Variants in ZNF317 observed in about 807,000 individuals in gnomAD.
ZNF317 encodes the protein zinc finger protein 317.
Under a neutral mutation model 23.4 loss-of-function variants are expected in ZNF317, and 17 were observed. The ratio of observed to expected loss-of-function variants is 0.73; its 90% CI spans 0.50 to 1.09. ZNF317 has a LOEUF of 1.09. ZNF317 is among the 50% of genes least tolerant of loss of function. The probability of loss-of-function intolerance (pLI) is 0.00; values close to 1 mark genes in which losing one functional copy is unlikely to be tolerated. For synonymous variants in ZNF317, 317 were observed against 314.9 expected, an observed-to-expected ratio of 1.01 and a Z score of -0.07; for missense variants, 679 against 796.7, an observed-to-expected ratio of 0.85 and a Z score of 1.78.
intron 3 of ZNF317, 99 bp downstream of exon 3, chr19:9,156,847 T>A: frequency 1.4e-6 from 2 of 1,441,590 alleles, no homozygotes; most frequent in South Asian, 1.3e-5. Context: ...TCTCAGCCAG[T>A]GGATGCCAGA....
Position 9,158,480 on chromosome 19 carries a change from A to G in ZNF317, c.386-346A>G, listed in dbSNP as rs150587274. On this transcript the variant is annotated intron_variant, in intron 5 of 6. Coordinates refer to ENST00000247956, the MANE Select transcript of ZNF317 (RefSeq NM_020933.5). ...CTGCCTCCCAAGTAGCTGGGACTAC[A>G]GGCATGATGCCGCCATGCCTACCTA... Among the ~76,000 whole-genome samples the G allele has an allele frequency of 5.4e-3, 774 of 143,780 alleles. 2 individuals are homozygous for G. The highest frequency in any genetic ancestry group is 0.019 in the African/African-American group (730 of 38,306). 94.3% of individuals were successfully genotyped at this position (143,780 alleles called of 152,430 possible). A position where few individuals can be genotyped will look rare whatever the true frequency, so the allele number is the denominator to read the frequency against.
chr19:9,157,681 CTT>C (rs566513253), intron 4 of ZNF317: 62,709 of 344,314 alleles, frequency 0.18, 3,891 homozygotes, highest in African/African-American at 0.21. Flanking sequence ...TTTCCTATTT[CTT>C]TTTTTTTTTT....
At chr19:9,142,029 C>T (rs1022360388) in intron 1 of ZNF317, among the ~76,000 whole-genome samples, 1 of 152,190 alleles carries the variant, frequency 6.6e-6, no homozygotes, top group African/African-American at 2.4e-5. Context: ...TGGTCTCGAT[C>T]TCCTGACCTC....
At position 9,140,491 on chromosome 19, in the gene ZNF317, C is replaced by T. The variant is rs1012278514; in HGVS notation, c.-194C>T. 3.5e-5 allele frequency: 16 copies of T among 456,290 alleles called. No individual in the cohort carries two copies. The highest frequency in any genetic ancestry group is 6.6e-5 in the Non-Finnish European group (15 of 226,870). 28.3% of individuals were successfully genotyped at this position (456,290 alleles called of 1,614,324 possible). ...GCGAATTCTTTCGGCCTGTTGGGGACCCCTCGTGTCCCCACGCCAGACTGG... is the reference window on the plus strand; with the variant it reads ...GCGAATTCTTTCGGCCTGTTGGGGATCCCTCGTGTCCCCACGCCAGACTGG... On this transcript the variant is annotated 5_prime_UTR_variant, in exon 1 of 7. Transcript: ENST00000247956.
At chr19:9,149,128 A>G (rs1409373056) in intron 1 of ZNF317, among the ~76,000 whole-genome samples, 1 of 152,196 alleles carries the variant, frequency 6.6e-6, no homozygotes, top group Non-Finnish European at 1.5e-5. Context: ...AGTAAAAAAT[A>G]GAGCCTAATC....
In ZNF317 at chr19:9,157,271, T is replaced by C. The variant is rs868296638; in HGVS notation, c.166T>C (p.Ser56Pro). The C allele has an allele frequency of 1.9e-6, 3 of 1,613,760 alleles. No individual in the cohort carries two copies. In the Middle Eastern group the frequency reaches 5.0e-4, roughly 268 times the overall value. ...PHTPSVGSQE[S>P]VTFQDVAVDF... ...CCAAGTTTGTGTGGCGTTCCAGGAA[T>C]CGGTGACTTTCCAAGATGTCGCTGT... Residue 56 changes from serine to proline, a missense_variant, in exon 4 of 7, where the codon TCG becomes CCG. Transcript: ENST00000247956.
At chr19:9,146,999 G>T (rs28488420) in intron 1 of ZNF317, among the ~76,000 whole-genome samples, 1 of 152,144 alleles carries the variant, frequency 6.6e-6, no homozygotes, top group Non-Finnish European at 1.5e-5. Flanking sequence ...AAACTGAGGA[G>T]CAGGGCTGGA....
At position 9,157,377 on chromosome 19, in the gene ZNF317, G is replaced by A. The variant is rs1411532136; in HGVS notation, c.272G>A (p.Ser91Asn). 1.2e-6 allele frequency: 2 copies of A among 1,613,896 alleles called. No individual in the cohort carries two copies. The highest frequency in any genetic ancestry group is 1.7e-6 in the Non-Finnish European group (2 of 1,179,984). Residue 91 changes from serine to asparagine, a missense_variant, in exon 4 of 7, where the codon AGC becomes AAC. Coordinates refer to ENST00000247956, the MANE Select transcript of ZNF317 (RefSeq NM_020933.5). ...AAAGATGTAATGCTGGAGAACTACAGCAACCTCACTTCACTGGGTAAGGCC... is the reference window on the plus strand; with the variant it reads ...AAAGATGTAATGCTGGAGAACTACAACAACCTCACTTCACTGGGTAAGGCC... ...LYKDVMLENY[S>N]NLTSLGYQVG...
intron 4 of ZNF317, 142 bp downstream of exon 4, chr19:9,157,536 T>C: frequency 9.3e-7 from 1 of 1,071,594 alleles, no homozygotes; most frequent in Non-Finnish European, 1.3e-6. Flanking sequence ...TAATGGGGCC[T>C]CTCCTGGGTA....
At chr19:9,157,756 T>C (rs1268341946) in intron 4 of ZNF317, 2 of 1,273,136 alleles carry the variant, frequency 1.6e-6, no homozygotes, top group African/African-American at 1.5e-5. Context: ...CTTGAACTCC[T>C]GGCTACAGGC....
At chr19:9,144,214 G>T (rs1600221777) in intron 1 of ZNF317, among the ~76,000 whole-genome samples, 1 of 152,006 alleles carries the variant, frequency 6.6e-6, no homozygotes, top group African/African-American at 2.4e-5. Flanking sequence ...TATTGGTCAG[G>T]CTGGTCTCGA....
chr19:9,144,124 T>A (rs1402722651), intron 1 of ZNF317, among the ~76,000 whole-genome samples: 2 of 152,038 alleles, frequency 1.3e-5, no homozygotes, highest in Non-Finnish European at 2.9e-5. Flanking sequence ...TGTCTCAGCC[T>A]CCCAAGTAGC....
chr19:9,158,934 G>A, intron 6 of ZNF317, 26 bp downstream of exon 6: 2 of 1,544,458 alleles, frequency 1.3e-6, no homozygotes, highest in Non-Finnish European at 1.8e-6. Context: ...GATAATTCTG[G>A]ATCTTCCTTC....
chr19:9,141,500 T>C lies in ZNF317; in HGVS notation c.-93+908T>C, dbSNP rs553143969. Among the ~76,000 whole-genome samples, 12 of 152,300 alleles carry C rather than the reference T, an allele frequency of 7.9e-5. No homozygotes were observed. In the East Asian group the frequency reaches 2.3e-3, roughly 29 times the overall value. On this transcript the variant is annotated intron_variant, in intron 1 of 6. Coordinates refer to ENST00000247956, the MANE Select transcript of ZNF317 (RefSeq NM_020933.5). The stretch of plus-strand genomic sequence containing the variant: ...ATTATTTGTGAATGAACTCAGGCGC[T>C]TCAGTATTTTTGGAAACAATCTTTT...
intron 1 of ZNF317, among the ~76,000 whole-genome samples, chr19:9,151,907 CTTT>C (rs57588267): frequency 2.3e-5 from 3 of 128,804 alleles, no homozygotes; most frequent in Non-Finnish European, 4.9e-5. Flanking sequence ...TGGTCCTGGA[CTTT>C]TTTTTTTTTT....
rs760421876 is a variant in ZNF317, at chr19:9,160,333, G to A, written c.688G>A (p.Ala230Thr). Reference sequence around the variant, plus strand: ...GCATGAATGTCATCAGTGCCAAAAAGCCTTCACCACGAGCGCGTCCCTCAC... The same window carrying A: ...GCATGAATGTCATCAGTGCCAAAAAACCTTCACCACGAGCGCGTCCCTCAC... ...KMHECHQCQK[A>T]FTTSASLTRH... Residue 230 changes from alanine (A) to threonine (T), a missense_variant, in exon 7 of 7, where the codon GCC (alanine) becomes ACC (threonine). Coordinates refer to ENST00000247956, the MANE Select transcript of ZNF317 (RefSeq NM_020933.5). The surrounding 1 kb of genome is among the most constrained non-coding windows in gnomAD (Gnocchi z 6.8). The A allele has an allele frequency of 8.1e-6, 13 of 1,614,074 alleles. No homozygotes were observed. The highest frequency in any genetic ancestry group is 3.3e-5 in the Admixed American group (2 of 59,998).
In ZNF317 at chr19:9,161,512, C is replaced by T. The variant is rs1380572076; in HGVS notation, c.*79C>T. Reference sequence around the variant, plus strand: ...GTGTAAGAGGAAGCCTCTGTGAGCTCGCACCTTACTGGGTGCAAAAGAATC... The same window carrying T: ...GTGTAAGAGGAAGCCTCTGTGAGCTTGCACCTTACTGGGTGCAAAAGAATC... On this transcript the variant is annotated 3_prime_UTR_variant, in exon 7 of 7. Coordinates refer to ENST00000247956, the MANE Select transcript of ZNF317 (RefSeq NM_020933.5). The surrounding 1 kb of genome is among the most constrained non-coding windows in gnomAD (Gnocchi z 4.0). 6 of 1,522,346 alleles carry T rather than the reference C, an allele frequency of 3.9e-6. No individual in the cohort carries two copies. The highest frequency in any genetic ancestry group is 2.1e-5 in the Admixed American group (1 of 47,562). 94.3% of individuals were successfully genotyped at this position (1,522,346 alleles called of 1,614,324 possible).
At chr19:9,148,270 A>G (rs2050705630) in intron 1 of ZNF317, among the ~76,000 whole-genome samples, 1 of 152,194 alleles carries the variant, frequency 6.6e-6, no homozygotes, top group South Asian at 2.1e-4. Context: ...CCTGAAAGTG[A>G]TAGAATCACT....
At position 9,161,281 on chromosome 19, in the gene ZNF317, A is replaced by G. The variant is rs752897410; in HGVS notation, c.1636A>G (p.Asn546Asp). The G allele has an allele frequency of 6.2e-7, 1 of 1,613,856 alleles. No individual in the cohort carries two copies. The highest frequency in any genetic ancestry group is 1.1e-5 in the South Asian group (1 of 91,062). ...GGCCTTCAGCATAGGCTCCAACCTG[A>G]ATGTGCACAGGCGGATCCACACCGG... ...GKAFSIGSNL[N>D]VHRRIHTGEK... Residue 546 changes from asparagine to aspartate, a missense_variant, in exon 7 of 7, where the codon AAT becomes GAT. Asn to Asp is a conservative substitution (Grantham distance 23). Transcript: ENST00000247956. The surrounding 1 kb of genome is among the most constrained non-coding windows in gnomAD (Gnocchi z 4.0).
Sources: gnomAD v4.1 joint callset for allele counts (sites outside exome capture counted in the v4.1 genomes callset) on GRCh38, gnomAD v4.1.1 for gene constraint, Gnocchi (gnomAD v3.1) non-coding constraint, MANE v1.5 for transcripts, NCBI Gene and HGNC (gene_info 2026-07-23, HGNC 2026-07-21) for gene names.